The following SMC2 variants were observed in gnomAD, a reference collection of about 807,000 sequenced individuals.
SMC2 encodes structural maintenance of chromosomes 2, also known as structural maintenance of chromosomes protein 2.
In SMC2, 41 loss-of-function variants were observed where a neutral mutation model predicts 142.6. That is an observed-to-expected ratio of 0.29 (90% CI 0.22 to 0.37). The LOEUF (loss-of-function observed/expected upper bound fraction) is 0.37. Ranked by LOEUF, SMC2 falls within the 10% of genes least tolerant of loss-of-function variation. SMC2 has a pLI of 1.00. For missense variants in SMC2, 1,265 were observed against 1,373.7 expected (o/e 0.92, Z 1.25); for synonymous variants, 463 against 457.5 (o/e 1.01, Z -0.15).
At position 104,123,001 on chromosome 9, in the gene SMC2, T is replaced by G. The variant is rs1054847427; in HGVS notation, c.2133-107T>G. 4 of 1,167,050 alleles carry G rather than the reference T, an allele frequency of 3.4e-6. No homozygotes were observed. In the African/African-American group the frequency reaches 6.3e-5, roughly 18 times the overall value. The allele number at this position is 1,167,050 out of a possible 1,614,324, so 72.3% of individuals were successfully genotyped here. A position where few individuals can be genotyped will look rare whatever the true frequency, so the allele number is the denominator to read the frequency against. On this transcript the variant is annotated intron_variant, in intron 16 of 24. Transcript: ENST00000374793. ...CTGTAACCAGTAGCATCTTATATTG[T>G]TTATAACGTATGTGAGTTTATTTAA...
Position 104,138,191 on chromosome 9 carries a change from G to T in SMC2, c.3417+26G>T, listed in dbSNP as rs1835755591. On this transcript the variant is annotated intron_variant, in intron 24 of 24. Transcript: ENST00000374793. ...GTAAGAACCAGGAAAAAAAGTCTCA[G>T]TAATAGTTTAATTAGACTATTTTTC... The T allele has an allele frequency of 2.6e-6, 4 of 1,552,404 alleles. No individual in the cohort carries two copies. In the African/African-American group the frequency reaches 4.1e-5, roughly 16 times the overall value.
intron 23 of SMC2, among the ~76,000 whole-genome samples, chr9:104,137,582 T>TACATTATGCATGTTTATGTAAGTGTG (rs1564123147): frequency 4.3e-4 from 65 of 152,198 alleles, no homozygotes; most frequent in African/African-American, 1.5e-3. Flanking sequence ...ATGTAAGTGT[T>TACATTATGCATGTTTATGTAAGTGTG]TACATTATGA....
chr9:104,108,561 T>C (rs1161167246), intron 9 of SMC2, among the ~76,000 whole-genome samples: 1 of 152,208 alleles, frequency 6.6e-6, no homozygotes, highest in East Asian at 1.9e-4. Flanking sequence ...TCCCGAGCTC[T>C]CTGGCGCTGG....
At chr9:104,111,518 G>A (rs555957993) in intron 9 of SMC2, 63 bp from the exon 10 acceptor site, 53 of 978,724 alleles carry the variant, frequency 5.4e-5, no homozygotes, top group South Asian at 2.1e-4. Context: ...AAGGGTATGC[G>A]TATAAGAAAG....
At chr9:104,127,644 A>G (rs1319477441) in intron 20 of SMC2, among the ~76,000 whole-genome samples, 164 bp downstream of exon 20, 3 of 152,200 alleles carry the variant, frequency 2.0e-5, no homozygotes, top group African/African-American at 7.2e-5. Flanking sequence ...CAACAATGCT[A>G]ATTTTCAACA....
upstream of SMC2, among the ~76,000 whole-genome samples, chr9:104,091,266 C>T (rs1829978385): frequency 6.6e-6 from 1 of 152,168 alleles, no homozygotes; most frequent in African/African-American, 2.4e-5. Flanking sequence ...CCTTATGATT[C>T]TAGACTACAA....
chr9:104,099,635 T>C lies in SMC2; in HGVS notation c.442-9T>C, dbSNP rs760090665. The C allele has an allele frequency of 6.4e-7, 1 of 1,551,406 alleles. No homozygotes were observed. The highest frequency in any genetic ancestry group is 8.9e-7 in the Non-Finnish European group (1 of 1,123,832). On this transcript the variant is annotated splice_polypyrimidine_tract_variant and intron_variant, in intron 4 of 24. Coordinates refer to ENST00000374793, the MANE Select transcript of SMC2 (RefSeq NM_006444.3). ...TGTTATCTTAGTAAGTTTGCTATTT[T>C]ATTTTCAGGGCCGAATTACAAAAGT...
At position 104,134,235 on chromosome 9, in the gene SMC2, C is replaced by T. The variant is rs561788796; in HGVS notation, c.3109-180C>T. ...CCTGATTTTGTCTTATCACTAGCAC[C>T]GATAGACGCTTTGTAAATGAATGAG... is the stretch of plus-strand genomic sequence containing the variant. On this transcript the variant is annotated intron_variant, in intron 22 of 24. Transcript: ENST00000374793. 5.0e-4 allele frequency among the ~76,000 whole-genome samples: 76 copies of T among 152,136 alleles called. 1 individual carries two copies. Among genetic ancestry groups the T allele is most frequent in the Non-Finnish European group, 6.8e-4 (46 of 67,978 alleles).
chr9:104,114,192 T>A, intron 12 of SMC2, 111 bp downstream of exon 12: 1 of 575,874 alleles, frequency 1.7e-6, no homozygotes, highest in South Asian at 2.7e-5. Flanking sequence ...ATGAAACTTG[T>A]TGTAAGCTGC....
intron 20 of SMC2, 46 bp downstream of exon 20, chr9:104,127,526 C>G: frequency 2.9e-6 from 4 of 1,396,304 alleles, no homozygotes; most frequent in Non-Finnish European, 3.8e-6. Flanking sequence ...ATTTTTGTTA[C>G]TGAGCTCTTG....
intron 14 of SMC2, 124 bp from the exon 15 acceptor site, chr9:104,118,045 AAG>A (rs1356562811): frequency 7.4e-6 from 5 of 671,204 alleles, no homozygotes; most frequent in Middle Eastern, 4.0e-4. Context: ...AAAATTCAGA[AAG>A]AGTTTTAATG....
chr9:104,094,497 A>T lies in SMC2; in HGVS notation c.-62+20A>T. 3.2e-6 allele frequency: 1 copy of T among 310,604 alleles called. No individual in the cohort carries two copies. The highest frequency in any genetic ancestry group is 5.7e-6 in the Non-Finnish European group (1 of 175,506). The allele number at this position is 310,604 out of a possible 1,614,324, so 19.2% of individuals were successfully genotyped here. ...GCAGCGGTGAGGCGTGTGCGTGAGC[A>T]CGGCCGGTTGGGCCGGGCCAGACTT... On this transcript the variant is annotated intron_variant, in intron 1 of 24. Transcript: ENST00000374793.
Position 104,116,256 on chromosome 9 carries a change from T to G in SMC2, c.1728T>G (p.Ile576Met), listed in dbSNP as rs1361437208. ...AACTGAAACGTCGATACACTATAAT[T>G]CCACTCAATAAAATTTCAGCCAGAT... is the stretch of plus-strand genomic sequence containing the variant. ...RGELKRRYTI[I>M]PLNKISARCI... Residue 576 changes from isoleucine (I) to methionine (M), a missense_variant, in exon 14 of 25, where the codon ATT becomes ATG. Ile to Met is a conservative substitution (Grantham distance 10). This residue lies in a region of SMC2 where 898 missense variants were observed against 904.2 expected (regional missense o/e 0.99). Coordinates refer to ENST00000374793, the MANE Select transcript of SMC2 (RefSeq NM_006444.3). 1 of 1,609,944 alleles carries G rather than the reference T, an allele frequency of 6.2e-7. No homozygotes were observed. The highest frequency in any genetic ancestry group is 8.5e-7 in the Non-Finnish European group (1 of 1,178,326).
At chr9:104,089,784 G>A (rs1199391216), upstream of SMC2, among the ~76,000 whole-genome samples, 1 of 152,046 alleles carries the variant, frequency 6.6e-6, no homozygotes, top group Admixed American at 6.6e-5. Flanking sequence ...GAGTAGCTGG[G>A]ATTACAGGCA....
rs141742964 is a variant in SMC2, at chr9:104,096,207, A to C, written c.228A>C (p.Lys76Asn). Residue 76 changes from lysine to asparagine, a missense_variant, in exon 3 of 25, where the codon AAA (lysine) becomes AAC (asparagine). Transcript: ENST00000374793. ...AAAATGGGCAGGCTGGTATTACCAA[A>C]GCCTCTGTGTCAATCACTTTTGATA... is the stretch of plus-strand genomic sequence containing the variant. ...VYKNGQAGIT[K>N]ASVSITFDNS... 2.5e-6 allele frequency: 4 copies of C among 1,614,048 alleles called. No homozygotes were observed. The highest frequency in any genetic ancestry group is 3.4e-6 in the Non-Finnish European group (4 of 1,179,892).
chr9:104,125,503 G>A (rs956147887), intron 18 of SMC2, among the ~76,000 whole-genome samples: 1 of 152,120 alleles, frequency 6.6e-6, no homozygotes, highest in Non-Finnish European at 1.5e-5. Context: ...CCCTGCAATC[G>A]AGTGTTTCAT....
At position 104,134,686 on chromosome 9, in the gene SMC2, G is replaced by A. The variant is rs559701363; in HGVS notation, c.3269+111G>A. ...ACTACCTTTGCATGTAGAATTTAAG[G>A]AGTCTAATATATAAGACTAAACAAT... On this transcript the variant is annotated intron_variant, in intron 23 of 24. Coordinates refer to ENST00000374793, the MANE Select transcript of SMC2 (RefSeq NM_006444.3). 2.7e-5 allele frequency: 19 copies of A among 715,662 alleles called. No homozygotes were observed. The African/African-American group carries it at 3.6e-4, about 13-fold the overall frequency. The allele number at this position is 715,662 out of a possible 1,614,324, so 44.3% of individuals were successfully genotyped here. A position where few individuals can be genotyped will look rare whatever the true frequency, so the allele number is the denominator to read the frequency against.
chr9:104,118,473 A>G, intron 15 of SMC2, 98 bp downstream of exon 15: 1 of 976,730 alleles, frequency 1.0e-6, no homozygotes, highest in Non-Finnish European at 1.5e-6. Context: ...CTTCTTCAGG[A>G]AACATGTTAA....
intron 23 of SMC2, chr9:104,135,916 A>G (rs1315109445): frequency 5.8e-6 from 3 of 518,742 alleles, no homozygotes; most frequent in Non-Finnish European, 1.2e-5. Context: ...TCTCAGGCAA[A>G]AGGAAAATGA....
Sources: allele counts gnomAD v4.1 joint callset (sites outside exome capture counted in the v4.1 genomes callset), GRCh38; gene constraint gnomAD v4.1.1; regional missense constraint gnomAD v4.1.1; transcripts MANE v1.5; gene names NCBI Gene and HGNC (gene_info 2026-07-23, HGNC 2026-07-21).